Variants in UGGT2 observed in about 807,000 individuals in gnomAD.
The protein encoded by UGGT2 is UDP-glucose:glycoprotein glucosyltransferase 2.
A neutral mutation model predicts 192.1 loss-of-function variants in UGGT2; 180 were observed. The observed-to-expected ratio is 0.94, with a 90% confidence interval of 0.83 to 1.06. The LOEUF is 1.06. Ranked by LOEUF, UGGT2 falls within the 50% of genes least tolerant of loss-of-function variation. UGGT2 has a pLI of 0.00. For synonymous variants in UGGT2, 580 were observed against 591.0 expected, an observed-to-expected ratio of 0.98 and a Z score of 0.27; for missense variants, 1,849 against 1,795.7, an observed-to-expected ratio of 1.03 and a Z score of -0.54.
At chr13:95,966,614 C>T (rs1016048924) in intron 12 of UGGT2, among the ~76,000 whole-genome samples, 1 of 152,136 alleles carries the variant, frequency 6.6e-6, no homozygotes, top group Non-Finnish European at 1.5e-5. Context: ...ACCCCAAATA[C>T]ACTGATTTCA....
intron 20 of UGGT2, among the ~76,000 whole-genome samples, chr13:95,917,704 AGAGATG>A (rs1442721124): frequency 6.6e-6 from 1 of 152,242 alleles, no homozygotes; most frequent in African/African-American, 2.4e-5. Flanking sequence ...CTCAAAATAA[AGAGATG>A]GAGGAAAATT....
intron 29 of UGGT2, among the ~76,000 whole-genome samples, chr13:95,868,126 T>A (rs1890847696): frequency 6.6e-6 from 1 of 152,208 alleles, no homozygotes; most frequent in Non-Finnish European, 1.5e-5. Flanking sequence ...ATTAGTATAG[T>A]TACTTTTGAG....
chr13:95,877,157 C>T (rs9590338), intron 29 of UGGT2, 122 bp downstream of exon 29: 21,324 of 782,566 alleles, frequency 0.027, 931 homozygotes, highest in East Asian at 0.15. Flanking sequence ...GTTGGGATTA[C>T]AGGCTTGAGC....
intron 29 of UGGT2, 71 bp downstream of exon 29, chr13:95,877,208 G>T: frequency 8.1e-7 from 1 of 1,233,920 alleles, no homozygotes; most frequent in Non-Finnish European, 1.1e-6. Flanking sequence ...TTGTTGTTTT[G>T]ATTCTCTTGG....
chr13:96,003,412 G>A (rs2051870059), intron 5 of UGGT2, among the ~76,000 whole-genome samples: 1 of 152,170 alleles, frequency 6.6e-6, no homozygotes, highest in African/African-American at 2.4e-5. Flanking sequence ...CCACAAATGA[G>A]TAACTCCTTC....
chr13:95,871,910 C>T (rs1891255550), intron 29 of UGGT2, among the ~76,000 whole-genome samples: 1 of 152,202 alleles, frequency 6.6e-6, no homozygotes, highest in South Asian at 2.1e-4. Flanking sequence ...TTACGGTGGA[C>T]CAACTCGAGT....
chr13:95,859,782 T>A, intron 32 of UGGT2, 107 bp from the exon 33 acceptor site: 1 of 833,036 alleles, frequency 1.2e-6, no homozygotes, highest in Non-Finnish European at 1.8e-6. Flanking sequence ...TTTCTTAAAT[T>A]TTACTTTAAG....
chr13:96,046,891 C>T (rs1438205899), intron 1 of UGGT2, among the ~76,000 whole-genome samples: 1 of 152,208 alleles, frequency 6.6e-6, no homozygotes, highest in Non-Finnish European at 1.5e-5. Context: ...AGTCTGAGAT[C>T]CAACCGCAAG....
At chr13:95,964,675 T>C (rs139068204) in intron 12 of UGGT2, among the ~76,000 whole-genome samples, 6 of 152,266 alleles carry the variant, frequency 3.9e-5, no homozygotes, top group Admixed American at 3.3e-4. Context: ...ATTCAGGACA[T>C]AGGCATGGGC....
At chr13:95,844,355 TAG>T (rs1041038332) in intron 36 of UGGT2, among the ~76,000 whole-genome samples, 1 of 152,278 alleles carries the variant, frequency 6.6e-6, no homozygotes. Context: ...ATAGAAAAAA[TAG>T]AGAGTAATGT....
intron 21 of UGGT2, among the ~76,000 whole-genome samples, chr13:95,902,537 G>A (rs1057375384): frequency 2.6e-5 from 4 of 151,100 alleles, no homozygotes; most frequent in Admixed American, 1.3e-4. Context: ...CCCCATAATG[G>A]ACCCCTTCAG....
chr13:96,024,747 T>C (rs951005805), intron 2 of UGGT2, among the ~76,000 whole-genome samples: 4 of 152,118 alleles, frequency 2.6e-5, no homozygotes, highest in African/African-American at 7.2e-5. Flanking sequence ...AGAGTTGAGG[T>C]AGATGAAGAG....
intron 29 of UGGT2, among the ~76,000 whole-genome samples, chr13:95,868,646 G>GT (rs1315804719): frequency 6.6e-6 from 1 of 152,112 alleles, no homozygotes; most frequent in African/African-American, 2.4e-5. Context: ...AACCTGTATG[G>GT]TAGAAACATT....
At chr13:95,983,563 A>C (rs2140869231) in intron 10 of UGGT2, 1 of 585,046 alleles carries the variant, frequency 1.7e-6, no homozygotes, top group African/African-American at 1.8e-5. Flanking sequence ...TATGAAGAAA[A>C]CCATACTACC....
rs1166464527 is a variant in UGGT2, at chr13:95,986,446, T to C, written c.932-14A>G. 1.3e-6 allele frequency: 2 copies of C among 1,535,178 alleles called. No homozygotes were observed. The highest frequency in any genetic ancestry group is 1.8e-6 in the Non-Finnish European group (2 of 1,114,228). On this transcript the variant is annotated splice_polypyrimidine_tract_variant and intron_variant, in intron 8 of 38. Transcript: ENST00000376747. Reference sequence around the variant, plus strand: ...GAAAACTAAGATCTGGAAGGAAAAATATTATTAAGGAATCTAGCATAATAT... The same window carrying C: ...GAAAACTAAGATCTGGAAGGAAAAACATTATTAAGGAATCTAGCATAATAT...
At chr13:95,831,575 A>G (rs895532485) in intron 38 of UGGT2, among the ~76,000 whole-genome samples, 1 of 152,136 alleles carries the variant, frequency 6.6e-6, no homozygotes, top group African/African-American at 2.4e-5. Context: ...TATAATAAAC[A>G]CCAATATAGA....
intron 27 of UGGT2, among the ~76,000 whole-genome samples, chr13:95,882,687 C>T (rs1220504278): frequency 6.6e-6 from 1 of 152,168 alleles, no homozygotes; most frequent in Non-Finnish European, 1.5e-5. Context: ...AGCTAGTGTT[C>T]ATCCGAACAA....
At chr13:95,857,057 C>G (rs1889686287) in intron 33 of UGGT2, among the ~76,000 whole-genome samples, 1 of 152,030 alleles carries the variant, frequency 6.6e-6, no homozygotes, top group African/African-American at 2.4e-5. Context: ...CGTTTTACCA[C>G]TTGATTCTTA....
intron 25 of UGGT2, among the ~76,000 whole-genome samples, chr13:95,889,117 T>C (rs2047728581): frequency 6.6e-6 from 1 of 152,198 alleles, no homozygotes. Context: ...ATAAAAAACT[T>C]ACAAATTTAA....
Sources: allele counts gnomAD v4.1 joint callset (sites outside exome capture counted in the v4.1 genomes callset), GRCh38; gene constraint gnomAD v4.1.1; transcripts MANE v1.5; gene names NCBI Gene and HGNC (gene_info 2026-07-23, HGNC 2026-07-21).